The following RAD51B variants were observed in gnomAD, a reference collection of about 807,000 sequenced individuals.
RAD51B encodes DNA repair protein RAD51 homolog 2.
Under a neutral mutation model 42.2 loss-of-function variants are expected in RAD51B, and 38 were observed. That is an observed-to-expected ratio of 0.90 (90% confidence interval 0.70 to 1.18). The LOEUF (loss-of-function observed/expected upper bound fraction) is 1.18, where lower values mean the gene tolerates loss of function less well. Among genes scored for constraint, RAD51B ranks in the 50% most tolerant of loss-of-function variants. The pLI is 0.00. For missense variants in RAD51B, 373 were observed against 400.7 expected (o/e 0.93, Z 0.59); for synonymous variants, 154 against 145.2 (o/e 1.06, Z -0.43).
intron 8 of RAD51B, among the ~76,000 whole-genome samples, chr14:68,300,987 A>G (rs990673673): frequency 6.6e-6 from 1 of 152,198 alleles, no homozygotes; most frequent in African/African-American, 2.4e-5. Context: ...CAAGAGCAAA[A>G]TTACTCTCTA....
intron 7 of RAD51B, among the ~76,000 whole-genome samples, chr14:68,204,278 T>A (rs1204458285): frequency 6.6e-6 from 1 of 152,208 alleles, no homozygotes; most frequent in Non-Finnish European, 1.5e-5. Flanking sequence ...ATATTGGTAT[T>A]GTCTCAGGGA....
In RAD51B at chr14:67,845,937, T is replaced by C. The variant is rs1027018149; in HGVS notation, c.315+10741T>C. On this transcript the variant is annotated intron_variant, in intron 4 of 10. Coordinates refer to ENST00000471583, the MANE Select transcript of RAD51B (RefSeq NM_133510.4). ...TGGATAGTATCTCACAGAAGTTCTC[T>C]GCATTTCTTGAATTTGAATTCAGGC... 2.0e-5 allele frequency among the ~76,000 whole-genome samples: 3 copies of C among 152,168 alleles called. No individual in the cohort carries two copies. In the East Asian group the frequency reaches 5.8e-4, roughly 29 times the overall value.
At chr14:68,674,276 A>T (rs982689405) in intron 11 of RAD51B, among the ~76,000 whole-genome samples, 10 of 152,250 alleles carry the variant, frequency 6.6e-5, no homozygotes, top group African/African-American at 2.2e-4. Context: ...GCACACATTT[A>T]CGTATATACT....
intron 10 of RAD51B, among the ~76,000 whole-genome samples, chr14:68,535,348 C>T (rs1015875865): frequency 1.3e-5 from 2 of 152,138 alleles, no homozygotes; most frequent in African/African-American, 4.8e-5. Flanking sequence ...ATCAAGGCAC[C>T]TTCTACTGTC....
In RAD51B at chr14:68,005,045, G is replaced by GTTT. The variant is rs753867497; in HGVS notation, c.756+117866_756+117868dup. Among the ~76,000 whole-genome samples the GTTT allele has an allele frequency of 3.0e-3, 237 of 79,510 alleles. 40 individuals are homozygous for GTTT. The highest frequency in any genetic ancestry group is 7.6e-3 in the African/African-American group (144 of 18,860). The allele number at this position is 79,510 out of a possible 152,430, so 52.2% of individuals were successfully genotyped here. A position where few individuals can be genotyped will look rare whatever the true frequency, so the allele number is the denominator to read the frequency against. ...CTACCATTCTACTGTGTGTGTGTGT[G>GTTT]TTTTTTTTTTTTTTTTTTTTTTTTT... On this transcript the variant is annotated intron_variant, in intron 7 of 10. Coordinates refer to ENST00000471583, the MANE Select transcript of RAD51B (RefSeq NM_133510.4).
At chr14:68,255,506 C>T (rs2080735053) in intron 7 of RAD51B, among the ~76,000 whole-genome samples, 1 of 152,272 alleles carries the variant, frequency 6.6e-6, no homozygotes, top group South Asian at 2.1e-4. Context: ...TTTTCAAAGT[C>T]CCACAAGGAG....
At chr14:68,291,721 A>G (rs1285380646) in intron 7 of RAD51B, among the ~76,000 whole-genome samples, 163 bp from the exon 8 acceptor site, 3 of 152,220 alleles carry the variant, frequency 2.0e-5, no homozygotes, top group Non-Finnish European at 4.4e-5. Context: ...ATTCTGGCCT[A>G]AAGATAAAGC....
intron 10 of RAD51B, among the ~76,000 whole-genome samples, chr14:68,535,546 G>T (rs932895016): frequency 2.0e-5 from 3 of 152,126 alleles, no homozygotes; most frequent in Admixed American, 1.3e-4. Context: ...ATAGTGACAC[G>T]TCGAGCTTAC....
chr14:68,249,912 T>G (rs186613211), intron 7 of RAD51B, among the ~76,000 whole-genome samples: 7 of 152,328 alleles, frequency 4.6e-5, no homozygotes, highest in Admixed American at 3.9e-4. Context: ...GATATTAATC[T>G]CAGGCCACCG....
chr14:68,370,968 T>C (rs1423123044), intron 8 of RAD51B, among the ~76,000 whole-genome samples: 1 of 122,344 alleles, frequency 8.2e-6, no homozygotes. Context: ...ACCTGGGAGG[T>C]GGAGGCTGCA....
At chr14:67,929,690 T>C (rs950149558) in intron 7 of RAD51B, among the ~76,000 whole-genome samples, 5 of 152,218 alleles carry the variant, frequency 3.3e-5, no homozygotes, top group African/African-American at 1.2e-4. Context: ...TACCCCACTA[T>C]TATTGTATTA....
chr14:68,635,264 T>G (rs1414470337), intron 10 of RAD51B, among the ~76,000 whole-genome samples: 4 of 152,160 alleles, frequency 2.6e-5, no homozygotes, highest in Non-Finnish European at 5.9e-5. Context: ...CCCAACTTCC[T>G]TTTCCTGCAA....
At chr14:68,121,933 A>C (rs1329696015) in intron 7 of RAD51B, among the ~76,000 whole-genome samples, 2 of 151,930 alleles carry the variant, frequency 1.3e-5, no homozygotes, top group Non-Finnish European at 2.9e-5. Context: ...GAAGGAGTAT[A>C]AGATATATAT....
At chr14:67,993,733 T>C (rs897045961) in intron 7 of RAD51B, among the ~76,000 whole-genome samples, 17 of 152,266 alleles carry the variant, frequency 1.1e-4, no homozygotes, top group Admixed American at 1.1e-3. Context: ...CAGATCATAT[T>C]GTAACTCTAT....
intron 7 of RAD51B, among the ~76,000 whole-genome samples, chr14:67,936,379 TAG>T (rs1332987477): frequency 6.6e-6 from 1 of 152,246 alleles, no homozygotes; most frequent in Admixed American, 6.5e-5. Flanking sequence ...TTCTTTCATA[TAG>T]CATAAAGTTT....
chr14:68,546,901 G>A (rs1030021039), intron 10 of RAD51B, among the ~76,000 whole-genome samples: 2 of 152,222 alleles, frequency 1.3e-5, no homozygotes, highest in East Asian at 1.9e-4. Flanking sequence ...GCAATTCTGG[G>A]CAAGTGAGAA....
At chr14:67,914,545 T>G (rs2044089452) in intron 7 of RAD51B, among the ~76,000 whole-genome samples, 1 of 152,216 alleles carries the variant, frequency 6.6e-6, no homozygotes. Context: ...TTTTTTGCCA[T>G]GCATAAATTT....
intron 10 of RAD51B, among the ~76,000 whole-genome samples, chr14:68,583,748 A>G (rs2253168): frequency 0.62 from 94,796 of 152,126 alleles, 30,231 homozygotes; most frequent in African/African-American, 0.76. Context: ...TGTGCACACC[A>G]GTAATGTGAT....
chr14:68,264,213 T>A (rs781268226), intron 7 of RAD51B, among the ~76,000 whole-genome samples: 1 of 152,228 alleles, frequency 6.6e-6, no homozygotes, highest in Admixed American at 6.5e-5. Flanking sequence ...AGGACTGTTT[T>A]GACTAGCTGG....
Sources: gnomAD v4.1 joint callset for allele counts (sites outside exome capture counted in the v4.1 genomes callset) on GRCh38, gnomAD v4.1.1 for gene constraint, MANE v1.5 for transcripts, NCBI Gene and HGNC (gene_info 2026-07-23, HGNC 2026-07-21) for gene names.